CELF4: variants seen among roughly 807,000 people sequenced by gnomAD.
CELF4 encodes the protein CUG-BP- and ETR-3-like factor 4.
A neutral mutation model predicts 59.9 loss-of-function variants in CELF4; 18 were observed. The observed-to-expected ratio is 0.30, with a 90% CI of 0.21 to 0.45. The LOEUF (loss-of-function observed/expected upper bound fraction) is 0.45. Ranked by LOEUF, CELF4 falls within the 20% of genes least tolerant of loss-of-function variation. The pLI is 1.00. For missense variants in CELF4, 456 were observed against 689.0 expected (o/e 0.66, Z 3.79); for synonymous variants, 261 against 267.1 (o/e 0.98, Z 0.22).
At chr18:37,303,637 C>A (rs748709691) in intron 3 of CELF4, among the ~76,000 whole-genome samples, 2 of 152,080 alleles carry the variant, frequency 1.3e-5, no homozygotes, top group Non-Finnish European at 2.9e-5. Context: ...TTTAGAGCCA[C>A]GTCTTGGTCA....
intron 2 of CELF4, among the ~76,000 whole-genome samples, chr18:37,438,631 T>C (rs2099701304): frequency 6.6e-6 from 1 of 152,114 alleles, no homozygotes; most frequent in Non-Finnish European, 1.5e-5. Context: ...GCAGGAGCCG[T>C]TGGCACAGAA....
At chr18:37,307,495 C>T (rs1025122612) in intron 3 of CELF4, among the ~76,000 whole-genome samples, 2 of 152,150 alleles carry the variant, frequency 1.3e-5, no homozygotes, top group Admixed American at 1.3e-4. Context: ...CGCTCCCCCA[C>T]CACCACAGCG....
chr18:37,455,251 G>A (rs9945375), intron 2 of CELF4, among the ~76,000 whole-genome samples: 38,854 of 152,122 alleles, frequency 0.26, 5,532 homozygotes, highest in East Asian at 0.44. Context: ...ACCTTCTAAA[G>A]GATGAACCAT....
At chr18:37,404,006 A>G (rs1234258837) in intron 2 of CELF4, among the ~76,000 whole-genome samples, 1 of 152,192 alleles carries the variant, frequency 6.6e-6, no homozygotes, top group Non-Finnish European at 1.5e-5. Context: ...GGAGGCACTC[A>G]GGGTGCTTTA....
chr18:37,557,679 A>C (rs981427035), intron 1 of CELF4, among the ~76,000 whole-genome samples: 1 of 152,206 alleles, frequency 6.6e-6, no homozygotes, highest in African/African-American at 2.4e-5. Flanking sequence ...GGCCTTCGGA[A>C]GTCTCTGTCA....
intron 2 of CELF4, among the ~76,000 whole-genome samples, chr18:37,365,015 A>T (rs1010020549): frequency 2.0e-5 from 3 of 152,088 alleles, no homozygotes; most frequent in Non-Finnish European, 2.9e-5. Flanking sequence ...TTAAAGGAGG[A>T]GGAAGATTTG....
chr18:37,496,847 G>A (rs180834218), intron 1 of CELF4, among the ~76,000 whole-genome samples: 6 of 152,286 alleles, frequency 3.9e-5, no homozygotes, highest in Middle Eastern at 3.4e-3. Context: ...TGAGGGCTGC[G>A]GCGAAGAAGG....
chr18:37,301,998 G>C (rs1188303204), intron 3 of CELF4, among the ~76,000 whole-genome samples: 8 of 152,134 alleles, frequency 5.3e-5, no homozygotes, highest in African/African-American at 1.9e-4. Flanking sequence ...TTCAAAACTG[G>C]GGAACATCGA....
intron 2 of CELF4, among the ~76,000 whole-genome samples, chr18:37,355,954 T>G (rs1165597147): frequency 6.6e-6 from 1 of 152,154 alleles, no homozygotes; most frequent in Non-Finnish European, 1.5e-5. Context: ...TGGAGGCATC[T>G]GTTCTGAGCC....
intron 3 of CELF4, among the ~76,000 whole-genome samples, chr18:37,320,747 C>T (rs1347506295): frequency 6.6e-6 from 1 of 152,162 alleles, no homozygotes; most frequent in Non-Finnish European, 1.5e-5. Context: ...GTGCCGGGGA[C>T]TAGTGATCAA....
chr18:37,541,313 C>A (rs1000775047), intron 1 of CELF4, among the ~76,000 whole-genome samples: 1 of 152,042 alleles, frequency 6.6e-6, no homozygotes, highest in African/African-American at 2.4e-5. Flanking sequence ...AACGGCCCCA[C>A]TCAGCACTGA....
At chr18:37,513,423 G>A (rs1205273286) in intron 1 of CELF4, among the ~76,000 whole-genome samples, 4 of 152,200 alleles carry the variant, frequency 2.6e-5, no homozygotes. Context: ...TCTGTGTCCA[G>A]CAGGTGTTCA....
chr18:37,353,233 A>ATATAT (rs1557327922), intron 2 of CELF4, among the ~76,000 whole-genome samples: 7,925 of 106,722 alleles, frequency 0.074, 327 homozygotes, highest in African/African-American at 0.094. Context: ...AAAAAAAAAA[A>ATATAT]ATATATATAT....
chr18:37,559,484 T>A (rs1489659714), intron 1 of CELF4, among the ~76,000 whole-genome samples: 1 of 152,182 alleles, frequency 6.6e-6, no homozygotes, highest in Non-Finnish European at 1.5e-5. Flanking sequence ...CACTCCCAGC[T>A]TCTAGCTGGC....
At chr18:37,318,642 C>G (rs947031137) in intron 3 of CELF4, among the ~76,000 whole-genome samples, 1 of 104,276 alleles carries the variant, frequency 9.6e-6, no homozygotes, top group East Asian at 3.4e-4. Context: ...CCCCCCCCCC[C>G]ACTTTCTACT....
chr18:37,263,646 C>A (rs2076022313), intron 10 of CELF4, among the ~76,000 whole-genome samples: 1 of 152,044 alleles, frequency 6.6e-6, no homozygotes, highest in East Asian at 1.9e-4. Flanking sequence ...TACCTAGGCA[C>A]TGGGATGGGA....
intron 3 of CELF4, among the ~76,000 whole-genome samples, chr18:37,278,052 C>G (rs2093613376): frequency 6.6e-6 from 1 of 152,216 alleles, no homozygotes; most frequent in Non-Finnish European, 1.5e-5. Flanking sequence ...TCCACATGTG[C>G]CTTTCTATCC....
intron 2 of CELF4, among the ~76,000 whole-genome samples, chr18:37,361,899 C>G (rs78792590): frequency 6.6e-6 from 1 of 151,948 alleles, no homozygotes; most frequent in East Asian, 1.9e-4. Context: ...TTGAGAGCAC[C>G]GGGAAGAGAA....
chr18:37,415,103 A>C (rs1398709022), intron 2 of CELF4, among the ~76,000 whole-genome samples: 1 of 152,186 alleles, frequency 6.6e-6, no homozygotes, highest in Non-Finnish European at 1.5e-5. Flanking sequence ...AGTAGGAGAA[A>C]ATATGTCTGT....
Sources: gnomAD v4.1 joint callset for allele counts (sites outside exome capture counted in the v4.1 genomes callset) on GRCh38, gnomAD v4.1.1 for gene constraint, MANE v1.5 for transcripts, NCBI Gene and HGNC (gene_info 2026-07-23, HGNC 2026-07-21) for gene names.